Variants in RAPGEF2 observed in about 807,000 individuals in gnomAD.
RAPGEF2 encodes the protein Rap guanine nucleotide exchange factor 2, also known as PDZ domain containing guanine nucleotide exchange factor (GEF) 1.
RAPGEF2 carries 54 observed loss-of-function variants against 186.7 expected under a neutral mutation model. That is an observed-to-expected ratio of 0.29 (90% CI 0.23 to 0.36). RAPGEF2 has a LOEUF of 0.36. Ranked by LOEUF, RAPGEF2 falls within the 10% of genes least tolerant of loss-of-function variation. The pLI, the probability that RAPGEF2 is intolerant of heterozygous loss-of-function variation, is 1.00. For missense variants in RAPGEF2, 1,532 were observed against 2,045.0 expected, an observed-to-expected ratio of 0.75 and a Z score of 4.84; for synonymous variants, 712 against 705.9, an observed-to-expected ratio of 1.01 and a Z score of -0.14.
intron 1 of RAPGEF2, among the ~76,000 whole-genome samples, chr4:159,185,358 C>G (rs74989456): frequency 5.1e-4 from 77 of 152,250 alleles, no homozygotes; most frequent in Non-Finnish European, 9.0e-4. Context: ...CAAACAAGAA[C>G]TTACGCATGA....
chr4:159,291,747 A>G (rs1761243780), intron 7 of RAPGEF2, among the ~76,000 whole-genome samples: 1 of 151,878 alleles, frequency 6.6e-6, no homozygotes, highest in East Asian at 1.9e-4. Context: ...TTGAGTCACT[A>G]TCCATTGTAT....
intron 1 of RAPGEF2, among the ~76,000 whole-genome samples, chr4:159,156,372 A>G (rs958351938): frequency 2.0e-5 from 3 of 152,214 alleles, no homozygotes; most frequent in African/African-American, 7.2e-5. Flanking sequence ...ACAACTAAAA[A>G]AAGAAAAGAA....
chr4:159,156,158 A>G (rs957916809), intron 1 of RAPGEF2, among the ~76,000 whole-genome samples: 2 of 152,308 alleles, frequency 1.3e-5, no homozygotes, highest in Non-Finnish European at 1.5e-5. Flanking sequence ...CTACAGTTTT[A>G]TATGAAGGCT....
intron 1 of RAPGEF2, among the ~76,000 whole-genome samples, chr4:159,113,872 T>C (rs1738764211): frequency 6.6e-6 from 1 of 152,132 alleles, no homozygotes; most frequent in African/African-American, 2.4e-5. Flanking sequence ...GCAGTATATT[T>C]ATTAGTTGGG....
chr4:159,226,707 TTCCTCAGTATTTTA>T (rs979099681), intron 4 of RAPGEF2, among the ~76,000 whole-genome samples: 3 of 152,216 alleles, frequency 2.0e-5, no homozygotes, highest in African/African-American at 7.2e-5. Context: ...ATTGTATTTA[TTCCTCAGTATTTTA>T]TGTTTTGATT....
At chr4:159,223,867 T>G (rs1467398894) in intron 4 of RAPGEF2, among the ~76,000 whole-genome samples, 3 of 152,178 alleles carry the variant, frequency 2.0e-5, no homozygotes, top group African/African-American at 7.2e-5. Context: ...GAATAAGATA[T>G]TCCAGATTTT....
At chr4:159,187,928 G>A (rs1476102428) in intron 2 of RAPGEF2, among the ~76,000 whole-genome samples, 2 of 152,086 alleles carry the variant, frequency 1.3e-5, no homozygotes, top group African/African-American at 4.8e-5. Flanking sequence ...TTAGTTAATT[G>A]AAAAGAATAT....
chr4:159,194,719 C>G (rs1222384330), intron 3 of RAPGEF2, among the ~76,000 whole-genome samples: 1 of 151,834 alleles, frequency 6.6e-6, no homozygotes, highest in Non-Finnish European at 1.5e-5. Flanking sequence ...GAATCAAAAT[C>G]TAAAGTTTAT....
chr4:159,170,182 T>C (rs1431518721), intron 1 of RAPGEF2, among the ~76,000 whole-genome samples: 1 of 152,128 alleles, frequency 6.6e-6, no homozygotes, highest in African/African-American at 2.4e-5. Context: ...TTTTTTCATA[T>C]ACCTGTTGGC....
chr4:159,192,580 C>T (rs1266987868), intron 2 of RAPGEF2, among the ~76,000 whole-genome samples: 2 of 152,156 alleles, frequency 1.3e-5, no homozygotes, highest in Non-Finnish European at 2.9e-5. Context: ...ATGCTATTCT[C>T]AGGGTAATTT....
At chr4:159,207,080 A>G (rs750286456) in intron 3 of RAPGEF2, among the ~76,000 whole-genome samples, 9 of 152,226 alleles carry the variant, frequency 5.9e-5, no homozygotes, top group Non-Finnish European at 1.0e-4. Flanking sequence ...ATGTTGATTG[A>G]ATGGTCATTC....
At chr4:159,324,744 A>T (rs1300425458) in intron 11 of RAPGEF2, among the ~76,000 whole-genome samples, 1 of 152,214 alleles carries the variant, frequency 6.6e-6, no homozygotes, top group Non-Finnish European at 1.5e-5. Flanking sequence ...ATTTAAAAGC[A>T]TCTAATAATT....
intron 7 of RAPGEF2, among the ~76,000 whole-genome samples, chr4:159,260,955 G>A (rs537256636): frequency 4.9e-4 from 74 of 152,226 alleles, no homozygotes; most frequent in African/African-American, 1.8e-3. Context: ...TGTCCATATT[G>A]GTCAGGCTGG....
intron 7 of RAPGEF2, among the ~76,000 whole-genome samples, chr4:159,244,096 T>TA (rs142075551): frequency 6.6e-6 from 1 of 151,808 alleles, no homozygotes; most frequent in Non-Finnish European, 1.5e-5. Context: ...GCTTTGCAAA[T>TA]AAAAAAATGA....
chr4:159,253,578 A>G (rs754944377), intron 7 of RAPGEF2, among the ~76,000 whole-genome samples: 4 of 152,196 alleles, frequency 2.6e-5, no homozygotes, highest in Non-Finnish European at 5.9e-5. Flanking sequence ...TCTTCAAATG[A>G]CAAGCTCATT....
chr4:159,178,470 A>G (rs1746669387), intron 1 of RAPGEF2, among the ~76,000 whole-genome samples: 1 of 151,652 alleles, frequency 6.6e-6, no homozygotes, highest in Admixed American at 6.6e-5. Context: ...TATATTCTGA[A>G]TGAGTCTCTA....
intron 1 of RAPGEF2, among the ~76,000 whole-genome samples, chr4:159,172,435 T>G (rs139078146): frequency 4.3e-4 from 65 of 152,298 alleles, no homozygotes; most frequent in African/African-American, 1.5e-3. Context: ...GTAATTGACT[T>G]CATAGGATAT....
intron 3 of RAPGEF2, among the ~76,000 whole-genome samples, chr4:159,193,698 ATAT>A (rs1748347621): frequency 6.6e-6 from 1 of 152,222 alleles, no homozygotes; most frequent in Non-Finnish European, 1.5e-5. Context: ...TCTTTCGATA[ATAT>A]TAATATTCTT....
At chr4:159,195,190 A>G (rs187765036) in intron 3 of RAPGEF2, among the ~76,000 whole-genome samples, 1 of 152,380 alleles carries the variant, frequency 6.6e-6, no homozygotes, top group East Asian at 1.9e-4. Context: ...AAAATTAACA[A>G]GAGGCAAGTG....
Sources: gnomAD v4.1 joint callset for allele counts (sites outside exome capture counted in the v4.1 genomes callset) on GRCh38, gnomAD v4.1.1 for gene constraint, MANE v1.5 for transcripts, NCBI Gene and HGNC (gene_info 2026-07-23, HGNC 2026-07-21) for gene names.